TAOK3: variants seen among roughly 807,000 people sequenced by gnomAD.
The protein encoded by TAOK3 is serine/threonine-protein kinase TAO3.
Under a neutral mutation model 120.4 loss-of-function variants are expected in TAOK3, and 40 were observed. That is an observed-to-expected ratio of 0.33 (90% CI 0.26 to 0.43). TAOK3 has a LOEUF of 0.43. Ranked by LOEUF, TAOK3 falls within the 20% of genes least tolerant of loss-of-function variation. TAOK3 has a pLI of 1.00. For synonymous variants in TAOK3, 355 were observed against 387.5 expected (o/e 0.92, Z 0.99); for missense variants, 821 against 1,112.1 (o/e 0.74, Z 3.72).
chr12:118,215,987 G>T (rs2038883970), intron 9 of TAOK3, among the ~76,000 whole-genome samples: 2 of 152,152 alleles, frequency 1.3e-5, no homozygotes, highest in South Asian at 4.2e-4. Context: ...ATCACCTGAG[G>T]CCAGGAGTTC....
At chr12:118,204,704 G>A (rs910508261) in intron 11 of TAOK3, among the ~76,000 whole-genome samples, 2 of 152,180 alleles carry the variant, frequency 1.3e-5, no homozygotes, top group African/African-American at 4.8e-5. Context: ...TAACATCATA[G>A]AATTTTAGAA....
At chr12:118,204,858 C>A (rs1390662081) in intron 11 of TAOK3, among the ~76,000 whole-genome samples, 1 of 151,904 alleles carries the variant, frequency 6.6e-6, no homozygotes. Flanking sequence ...GGCAAACCCC[C>A]ATCTCTACTA....
intron 9 of TAOK3, among the ~76,000 whole-genome samples, chr12:118,232,922 A>C (rs1280546230): frequency 1.3e-5 from 2 of 152,098 alleles, no homozygotes; most frequent in Admixed American, 1.3e-4. Context: ...ATAAATAAAT[A>C]AATCATGCTG....
At chr12:118,333,805 G>A (rs1302363972) in intron 1 of TAOK3, among the ~76,000 whole-genome samples, 1 of 150,430 alleles carries the variant, frequency 6.6e-6, no homozygotes, top group Non-Finnish European at 1.5e-5. Context: ...ACTACCATAC[G>A]ATTCAGCAGT....
chr12:118,178,162 G>A (rs1211521444), intron 15 of TAOK3, among the ~76,000 whole-genome samples: 4 of 152,100 alleles, frequency 2.6e-5, no homozygotes, highest in Non-Finnish European at 5.9e-5. Flanking sequence ...TTGTTGCCTA[G>A]GGTCATCTCA....
intron 1 of TAOK3, among the ~76,000 whole-genome samples, chr12:118,365,689 C>CT (rs2045723786): frequency 1.3e-5 from 2 of 152,248 alleles, no homozygotes; most frequent in South Asian, 4.1e-4. Context: ...TCTTCATACT[C>CT]TGTGCTTCGT....
At chr12:118,168,040 C>A (rs537187024) in intron 17 of TAOK3, among the ~76,000 whole-genome samples, 1 of 151,920 alleles carries the variant, frequency 6.6e-6, no homozygotes, top group Non-Finnish European at 1.5e-5. Flanking sequence ...CCTACTGATA[C>A]AAAAGTAATC....
intron 1 of TAOK3, among the ~76,000 whole-genome samples, chr12:118,338,722 G>C (rs1361772956): frequency 7.0e-6 from 1 of 142,294 alleles, no homozygotes; most frequent in Non-Finnish European, 1.5e-5. Context: ...GGGAGGCAGA[G>C]GTTGCAGTGA....
chr12:118,320,641 T>TTTA (rs1250920885), intron 1 of TAOK3, among the ~76,000 whole-genome samples: 2 of 152,160 alleles, frequency 1.3e-5, no homozygotes, highest in African/African-American at 4.8e-5. Flanking sequence ...CCAGGGCTAT[T>TTTA]TTATTATTAA....
chr12:118,203,704 C>CAAA (rs35135077), intron 11 of TAOK3, among the ~76,000 whole-genome samples: 4 of 127,128 alleles, frequency 3.1e-5, no homozygotes, highest in African/African-American at 6.1e-5. Context: ...AACTCCATCT[C>CAAA]AAAAAAAAAA....
chr12:118,326,713 G>C (rs1204795309), intron 1 of TAOK3, among the ~76,000 whole-genome samples: 1 of 152,046 alleles, frequency 6.6e-6, no homozygotes, highest in Non-Finnish European at 1.5e-5. Context: ...AGCACATTAG[G>C]CAGTTTATTA....
rs532518521 is a variant in TAOK3, at chr12:118,217,457, G to A, written c.644-3347C>T. On this transcript the variant is annotated intron_variant, in intron 9 of 20. Transcript: ENST00000392533. The stretch of plus-strand genomic sequence containing the variant: ...ATCCCAGAACTTTGGGAGACTAAGC[G>A]GGCAGATCACCTGAGGTCAGGAGTT... Among the ~76,000 whole-genome samples, 8 of 152,072 alleles carry A rather than the reference G, an allele frequency of 5.3e-5. No individual in the cohort carries two copies. In the South Asian group the frequency reaches 1.0e-3, roughly 20 times the overall value.
rs149622910 is a variant in TAOK3, at chr12:118,372,671, C to T, written c.-217G>A. On this transcript the variant is annotated 5_prime_UTR_variant, in exon 1 of 21. Transcript: ENST00000392533. This position sits in a 1 kb window ranked among gnomAD's most constrained non-coding sequence, Gnocchi z 4.6. ...ACCTCAGACCTGCTGTCACCACCCC[C>T]GGGCCCGGCGCCGCCGCCGCCGCTT... 378 of 158,348 alleles carry T rather than the reference C, an allele frequency of 2.4e-3. No individual in the cohort carries two copies. Among genetic ancestry groups the T allele is most frequent in the Non-Finnish European group, 4.2e-3 (302 of 72,316 alleles). 9.8% of individuals were successfully genotyped at this position (158,348 alleles called of 1,614,324 possible). A position where few individuals can be genotyped will look rare whatever the true frequency, so the allele number is the denominator to read the frequency against.
At chr12:118,297,888 TG>T (rs2042741215) in intron 1 of TAOK3, among the ~76,000 whole-genome samples, 1 of 152,142 alleles carries the variant, frequency 6.6e-6, no homozygotes. Flanking sequence ...CGGTATGTTA[TG>T]GGGGAAAAAT....
At chr12:118,271,603 G>A (rs781018712) in intron 1 of TAOK3, among the ~76,000 whole-genome samples, 1 of 152,022 alleles carries the variant, frequency 6.6e-6, no homozygotes, top group Non-Finnish European at 1.5e-5. Context: ...TTTAACTTTT[G>A]GCCATTATGG....
intron 17 of TAOK3, among the ~76,000 whole-genome samples, chr12:118,169,807 G>A (rs978526586): frequency 2.0e-5 from 3 of 151,456 alleles, no homozygotes; most frequent in Non-Finnish European, 4.4e-5. Flanking sequence ...TGCAAGCTCC[G>A]CCTCCCGGGT....
intron 1 of TAOK3, among the ~76,000 whole-genome samples, chr12:118,272,139 C>T (rs895130843): frequency 6.6e-6 from 1 of 151,914 alleles, no homozygotes; most frequent in African/African-American, 2.4e-5. Flanking sequence ...TTCTAACTTA[C>T]TATAAGAAAG....
intron 8 of TAOK3, 61 bp downstream of exon 8, chr12:118,235,497 C>A (rs1056144998): frequency 9.7e-6 from 13 of 1,341,940 alleles, no homozygotes; most frequent in Non-Finnish European, 9.6e-6. Flanking sequence ...CAAACCAGCA[C>A]CATAGTTGAG....
intron 11 of TAOK3, among the ~76,000 whole-genome samples, chr12:118,204,183 C>T (rs1212677038): frequency 6.6e-6 from 1 of 150,412 alleles, no homozygotes; most frequent in Non-Finnish European, 1.5e-5. Flanking sequence ...AGGAGAATGG[C>T]TTGAATCTGG....
Sources: allele counts gnomAD v4.1 joint callset (sites outside exome capture counted in the v4.1 genomes callset), GRCh38; gene constraint gnomAD v4.1.1; non-coding constraint Gnocchi (gnomAD v3.1); transcripts MANE v1.5; gene names NCBI Gene and HGNC (gene_info 2026-07-23, HGNC 2026-07-21).